RUNDC3B: variants seen among roughly 807,000 people sequenced by gnomAD.
RUNDC3B encodes the protein RUN domain-containing protein 3B.
Under a neutral mutation model 58.4 loss-of-function variants are expected in RUNDC3B, and 33 were observed. The observed-to-expected ratio is 0.56, with a 90% CI of 0.43 to 0.75. The LOEUF (loss-of-function observed/expected upper bound fraction) is 0.75, where lower values mean the gene tolerates loss of function less well. Ranked by LOEUF, RUNDC3B falls within the 30% of genes least tolerant of loss-of-function variation. RUNDC3B has a pLI of 0.00. For missense variants in RUNDC3B, 501 were observed against 535.7 expected (o/e 0.94, Z 0.64); for synonymous variants, 193 against 195.2 (o/e 0.99, Z 0.10).
intron 8 of RUNDC3B, among the ~76,000 whole-genome samples, chr7:87,796,911 C>A (rs544737018): frequency 6.6e-6 from 1 of 152,256 alleles, no homozygotes; most frequent in Admixed American, 6.5e-5. Flanking sequence ...AGTATTGTGA[C>A]AATGGTTCGT....
chr7:87,678,868 CAAG>C (rs1296600901), intron 2 of RUNDC3B, among the ~76,000 whole-genome samples: 1 of 151,860 alleles, frequency 6.6e-6, no homozygotes, highest in Non-Finnish European at 1.5e-5. Context: ...ATTAATTTGC[CAAG>C]AAGACAGAAC....
At chr7:87,659,266 T>C (rs910483223) in intron 2 of RUNDC3B, 2 of 417,458 alleles carry the variant, frequency 4.8e-6, no homozygotes. Context: ...TTTAGTTTTC[T>C]GTTTGTTCCC....
chr7:87,676,565 A>T (rs1202266895), intron 2 of RUNDC3B, among the ~76,000 whole-genome samples: 1 of 151,758 alleles, frequency 6.6e-6, no homozygotes, highest in Non-Finnish European at 1.5e-5. Context: ...TTAGCCAGGT[A>T]TAGTGGTGTA....
At chr7:87,771,786 T>C (rs1051842071) in intron 7 of RUNDC3B, among the ~76,000 whole-genome samples, 12 of 152,124 alleles carry the variant, frequency 7.9e-5, no homozygotes, top group African/African-American at 2.9e-4. Flanking sequence ...GAACCTAGAA[T>C]GTAGGAGTGA....
intron 6 of RUNDC3B, among the ~76,000 whole-genome samples, chr7:87,749,285 A>G (rs1832824960): frequency 6.6e-6 from 1 of 152,240 alleles, no homozygotes; most frequent in South Asian, 2.1e-4. Context: ...ACAATAATGG[A>G]ACTTTCTCAT....
chr7:87,682,526 G>T (rs1827028377), intron 2 of RUNDC3B, among the ~76,000 whole-genome samples: 1 of 152,212 alleles, frequency 6.6e-6, no homozygotes, highest in Admixed American at 6.5e-5. Flanking sequence ...TGTGTTAGAA[G>T]CCATGAAAAC....
chr7:87,703,657 A>G (rs1012142785), intron 3 of RUNDC3B, among the ~76,000 whole-genome samples: 2 of 151,832 alleles, frequency 1.3e-5, no homozygotes, highest in Admixed American at 1.3e-4. Flanking sequence ...TAAATTAATT[A>G]TAGATTTTCT....
At chr7:87,822,703 C>T (rs1209277653) in intron 10 of RUNDC3B, among the ~76,000 whole-genome samples, 2 of 152,194 alleles carry the variant, frequency 1.3e-5, no homozygotes, top group Non-Finnish European at 2.9e-5. Context: ...GAATACTATG[C>T]AGCCATAAAA....
intron 2 of RUNDC3B, among the ~76,000 whole-genome samples, chr7:87,669,161 T>C (rs1409635562): frequency 6.6e-6 from 1 of 152,190 alleles, no homozygotes; most frequent in African/African-American, 2.4e-5. Context: ...TGGGTGCTTG[T>C]GTGTTGGGTA....
In RUNDC3B at chr7:87,769,601, T is replaced by C. The variant is rs574331179; in HGVS notation, c.630-980T>C. Among the ~76,000 whole-genome samples, 4 of 152,298 alleles carry C rather than the reference T, an allele frequency of 2.6e-5. No homozygotes were observed. The South Asian group carries it at 6.2e-4, about 24-fold the overall frequency. ...TCATATTTAAAATTTTATTTTTCCA[T>C]GTTTATTTTTAAGTATATTAACACC... is the stretch of plus-strand genomic sequence containing the variant. On this transcript the variant is annotated intron_variant, in intron 6 of 10. Coordinates refer to ENST00000394654, the MANE Select transcript of RUNDC3B (RefSeq NM_001134405.2).
chr7:87,698,326 C>G lies in RUNDC3B; in HGVS notation c.239-2095C>G, dbSNP rs550720530. Among the ~76,000 whole-genome samples, 7 of 152,202 alleles carry G rather than the reference C, an allele frequency of 4.6e-5. 1 individual carries two copies. Among genetic ancestry groups the G allele is most frequent in the African/African-American group, 1.7e-4 (7 of 41,536 alleles). ...CGTGTTAGCCAGGATGGTCTCCTGA[C>G]CACATGATCCTCCCACCTCGGCCTC... On this transcript the variant is annotated intron_variant, in intron 2 of 10. Coordinates refer to ENST00000394654, the MANE Select transcript of RUNDC3B (RefSeq NM_001134405.2).
At chr7:87,673,709 TCATTTCAGC>T (rs1472519101) in intron 2 of RUNDC3B, among the ~76,000 whole-genome samples, 1 of 152,214 alleles carries the variant, frequency 6.6e-6, no homozygotes, top group Non-Finnish European at 1.5e-5. Flanking sequence ...TCTATGTCAC[TCATTTCAGC>T]CATTTCAGCA....
At chr7:87,643,016 A>G (rs972189680) in intron 1 of RUNDC3B, among the ~76,000 whole-genome samples, 1 of 152,116 alleles carries the variant, frequency 6.6e-6, no homozygotes, top group Non-Finnish European at 1.5e-5. Flanking sequence ...CCTGGGCTCA[A>G]GTTGTCCTCT....
chr7:87,825,973 A>G (rs556807287), intron 10 of RUNDC3B, among the ~76,000 whole-genome samples: 1 of 152,264 alleles, frequency 6.6e-6, no homozygotes, highest in East Asian at 1.9e-4. Context: ...ATAGGCTCAT[A>G]GGTAGAAGAA....
chr7:87,775,422 CAA>C (rs1293679695), intron 7 of RUNDC3B, among the ~76,000 whole-genome samples: 1 of 152,002 alleles, frequency 6.6e-6, no homozygotes, highest in Admixed American at 6.5e-5. Context: ...ACAAAAGAGT[CAA>C]AAAGATTTTT....
intron 6 of RUNDC3B, among the ~76,000 whole-genome samples, chr7:87,752,797 T>G (rs577115359): frequency 3.3e-5 from 5 of 151,070 alleles, no homozygotes; most frequent in Admixed American, 6.6e-5. Context: ...TAGTGGTTTA[T>G]CAGTTTTGTT....
intron 4 of RUNDC3B, among the ~76,000 whole-genome samples, chr7:87,736,855 CTATATATATATATATATATATA>C (rs1554479935): frequency 5.5e-5 from 2 of 36,214 alleles, no homozygotes; most frequent in East Asian, 8.2e-4. Context: ...ATATATATAC[CTATATATATATATATATATATA>C]TATATATATA....
intron 6 of RUNDC3B, among the ~76,000 whole-genome samples, chr7:87,750,241 G>A (rs1362649666): frequency 6.6e-6 from 1 of 152,024 alleles, no homozygotes; most frequent in Admixed American, 6.5e-5. Context: ...GTATTCCATG[G>A]TGTATATGTG....
chr7:87,640,633 C>T (rs1302837045), intron 1 of RUNDC3B, among the ~76,000 whole-genome samples: 3 of 152,188 alleles, frequency 2.0e-5, no homozygotes, highest in African/African-American at 7.2e-5. Flanking sequence ...GCATGAGCCA[C>T]CACGTGTGTC....
Sources: allele counts gnomAD v4.1 joint callset (sites outside exome capture counted in the v4.1 genomes callset), GRCh38; gene constraint gnomAD v4.1.1; transcripts MANE v1.5; gene names NCBI Gene and HGNC (gene_info 2026-07-23, HGNC 2026-07-21).